RANBP2: variants seen among roughly 807,000 people sequenced by gnomAD.
RANBP2 encodes RAN binding protein 2, also known as E3 SUMO-protein ligase RanBP2.
A neutral mutation model predicts 303.6 loss-of-function variants in RANBP2; 57 were observed. The ratio of observed to expected loss-of-function variants is 0.19; its 90% CI spans 0.15 to 0.23. The LOEUF (loss-of-function observed/expected upper bound fraction) is 0.23. RANBP2 is among the 10% of genes least tolerant of loss of function. The pLI is 1.00. For missense variants in RANBP2, 3,138 were observed against 3,780.8 expected, an observed-to-expected ratio of 0.83 and a Z score of 4.46; for synonymous variants, 1,167 against 1,301.5, an observed-to-expected ratio of 0.90 and a Z score of 2.23.
the RANBP2 span, among the ~76,000 whole-genome samples, chr2:109,203,492 C>G: frequency 6.6e-6 from 1 of 152,142 alleles, no homozygotes; most frequent in Non-Finnish European, 1.5e-5. Context: ...TAAGTCCCAC[C>G]GCTCCCCATT....
At chr2:109,393,566 A>G in the RANBP2 span, among the ~76,000 whole-genome samples, 1 of 152,130 alleles carries the variant, frequency 6.6e-6, no homozygotes, top group East Asian at 1.9e-4. Flanking sequence ...TGGTGCATCC[A>G]TGAAAAGAGT....
At chr2:109,328,826 A>G in the RANBP2 span, among the ~76,000 whole-genome samples, 1 of 152,186 alleles carries the variant, frequency 6.6e-6, no homozygotes, top group African/African-American at 2.4e-5. Context: ...ACCTGAACAC[A>G]GTGTTATCCA....
At chr2:109,432,723 G>A in the RANBP2 span, 286 of 1,562,862 alleles carry the variant, frequency 1.8e-4, 1 homozygote, top group Non-Finnish European at 2.3e-5. Flanking sequence ...GGGCCTGCAC[G>A]CCTTACCGCT....
intron 6 of RANBP2, among the ~76,000 whole-genome samples, chr2:108,737,302 T>G (rs2149136384): frequency 6.6e-6 from 1 of 151,836 alleles, no homozygotes; most frequent in African/African-American, 2.4e-5. Flanking sequence ...CGAAGATCTT[T>G]GTATGTGGGT....
At chr2:109,507,828 G>C in the RANBP2 span, among the ~76,000 whole-genome samples, 464 of 151,914 alleles carry the variant, frequency 3.1e-3, 1 homozygote, top group African/African-American at 0.011. Context: ...TCAGACGTGT[G>C]CAAATGATGG....
chr2:109,669,558 T>C, the RANBP2 span, among the ~76,000 whole-genome samples: 31 of 152,200 alleles, frequency 2.0e-4, no homozygotes, highest in Admixed American at 1.5e-3. Context: ...AGAAGACACA[T>C]GGAACTACTG....
At chr2:108,937,434 T>C in the RANBP2 span, among the ~76,000 whole-genome samples, 1 of 151,870 alleles carries the variant, frequency 6.6e-6, no homozygotes. Flanking sequence ...GTGTATGTAT[T>C]GTATATGTGA....
the RANBP2 span, among the ~76,000 whole-genome samples, chr2:109,321,866 T>TCCCACTG: frequency 6.6e-6 from 1 of 152,182 alleles, no homozygotes; most frequent in African/African-American, 2.4e-5. Context: ...TCCAGTGGAT[T>TCCCACTG]CCCACTGCTT....
At chr2:109,109,048 C>G in the RANBP2 span, among the ~76,000 whole-genome samples, 1 of 152,216 alleles carries the variant, frequency 6.6e-6, no homozygotes, top group Non-Finnish European at 1.5e-5. Context: ...TTACTTGGTC[C>G]ATTTACCTAA....
the RANBP2 span, among the ~76,000 whole-genome samples, chr2:109,525,125 T>A: frequency 1.4e-4 from 21 of 150,408 alleles, no homozygotes; most frequent in Admixed American, 1.3e-3. Context: ...TCAGCAAATA[T>A]CCCTTGACAT....
the RANBP2 span, among the ~76,000 whole-genome samples, chr2:109,258,378 C>T: frequency 2.6e-5 from 4 of 152,178 alleles, no homozygotes; most frequent in African/African-American, 4.8e-5. Context: ...AACCCTAGTG[C>T]AGCCGGGTTT....
the RANBP2 span, among the ~76,000 whole-genome samples, chr2:109,394,818 G>A: frequency 6.6e-6 from 1 of 152,222 alleles, no homozygotes; most frequent in East Asian, 1.9e-4. Context: ...GAGCCACCTG[G>A]CTTCCCTGCA....
At chr2:109,578,699 G>A in the RANBP2 span, among the ~76,000 whole-genome samples, 4 of 152,030 alleles carry the variant, frequency 2.6e-5, no homozygotes, top group South Asian at 2.1e-4. Context: ...CCTGGGAGGC[G>A]GTGGTTACAG....
the RANBP2 span, among the ~76,000 whole-genome samples, chr2:109,003,512 G>A: frequency 1.2e-4 from 18 of 151,806 alleles, 1 homozygote; most frequent in Admixed American, 5.9e-4. Flanking sequence ...CTGGGTTCAC[G>A]TGATTCTCCT....
the RANBP2 span, among the ~76,000 whole-genome samples, chr2:109,501,016 A>G: frequency 1.3e-5 from 2 of 152,134 alleles, no homozygotes; most frequent in African/African-American, 4.8e-5. Context: ...TTGGGCCCCA[A>G]CCTGTGAGGT....
the RANBP2 span, among the ~76,000 whole-genome samples, chr2:109,465,594 CT>C: frequency 6.6e-6 from 1 of 152,190 alleles, no homozygotes; most frequent in Non-Finnish European, 1.5e-5. Context: ...TTAGGCCATT[CT>C]TGCACTGCTA....
the RANBP2 span, among the ~76,000 whole-genome samples, chr2:109,315,584 C>A: frequency 6.6e-6 from 1 of 152,202 alleles, no homozygotes; most frequent in Non-Finnish European, 1.5e-5. Context: ...ACTGTCTGTG[C>A]AGAACTTTCA....
the RANBP2 span, among the ~76,000 whole-genome samples, chr2:109,032,203 C>A: frequency 6.6e-6 from 1 of 152,150 alleles, no homozygotes; most frequent in Non-Finnish European, 1.5e-5. Flanking sequence ...AGATTTCTTT[C>A]ACTTCTAAAG....
At chr2:109,765,914 A>C in the RANBP2 span, among the ~76,000 whole-genome samples, 4 of 150,492 alleles carry the variant, frequency 2.7e-5, no homozygotes, top group Non-Finnish European at 5.9e-5. Flanking sequence ...CCTGATCTTG[A>C]CCTTCAGGTG....
Sources: allele counts gnomAD v4.1 joint callset (sites outside exome capture counted in the v4.1 genomes callset), GRCh38; gene constraint gnomAD v4.1.1; transcripts MANE v1.5; gene names NCBI Gene and HGNC (gene_info 2026-07-23, HGNC 2026-07-21).